Variants in DYNLL1 observed in about 807,000 individuals in gnomAD.
The protein encoded by DYNLL1 is dynein light chain 1, cytoplasmic.
A neutral mutation model predicts 10.1 loss-of-function variants in DYNLL1; 3 were observed. The ratio of observed to expected loss-of-function variants is 0.30; its 90% confidence interval spans 0.14 to 0.77. The LOEUF (loss-of-function observed/expected upper bound fraction) is 0.77, where lower values mean the gene tolerates loss of function less well. Among genes scored for constraint, DYNLL1 ranks in the 30% least tolerant of loss-of-function variants. The pLI, the probability that DYNLL1 is intolerant of heterozygous loss-of-function variation, is 0.66. For synonymous variants in DYNLL1, 46 were observed against 41.2 expected (o/e 1.12, Z -0.45); for missense variants, 47 against 111.7 (o/e 0.42, Z 2.61).
In DYNLL1 at chr12:120,477,227, C is replaced by T. The variant is rs78544636; in HGVS notation, c.-7+7123C>T. Among the ~76,000 whole-genome samples the T allele has an allele frequency of 9.1e-3, 1,385 of 152,260 alleles. 19 individuals are homozygous for T. Among genetic ancestry groups the T allele is most frequent in the African/African-American group, 0.032 (1,332 of 41,542 alleles). On this transcript the variant is annotated intron_variant, in intron 1 of 2. Transcript: ENST00000392509. ...TACAGGTGTGAGTTACCACGCCCAGCCAAGAGCAGGTTTTTTTTATCTAGT... is the reference window on the plus strand; with the variant it reads ...TACAGGTGTGAGTTACCACGCCCAGTCAAGAGCAGGTTTTTTTTATCTAGT...
At chr12:120,482,795 G>T (rs995508090) in intron 1 of DYNLL1, among the ~76,000 whole-genome samples, 2 of 152,118 alleles carry the variant, frequency 1.3e-5, no homozygotes, top group Non-Finnish European at 2.9e-5. Flanking sequence ...AACACATAGA[G>T]CAGTGAGACA....
At chr12:120,483,067 C>T (rs963846788) in intron 1 of DYNLL1, among the ~76,000 whole-genome samples, 2 of 151,940 alleles carry the variant, frequency 1.3e-5, no homozygotes, top group African/African-American at 2.4e-5. Context: ...AGGCCAGGCA[C>T]GGTGGCTTAC....
At chr12:120,482,354 G>A (rs572609520) in intron 1 of DYNLL1, among the ~76,000 whole-genome samples, 52 of 150,692 alleles carry the variant, frequency 3.5e-4, no homozygotes, top group African/African-American at 1.3e-3. Flanking sequence ...ATGGAGTCGC[G>A]CTCTATCGCC....
At chr12:120,471,418 A>G (rs2137055116) in intron 1 of DYNLL1, among the ~76,000 whole-genome samples, 1 of 152,066 alleles carries the variant, frequency 6.6e-6, no homozygotes, top group East Asian at 1.9e-4. Context: ...AGGGACTAAA[A>G]CCACACATTT....
Position 120,498,135 on chromosome 12 carries a change from T to C in DYNLL1, c.195T>C (p.Tyr65=), listed in dbSNP as rs142759655. 402 of 1,613,964 alleles carry C rather than the reference T, an allele frequency of 2.5e-4. No individual in the cohort carries two copies. In the African/African-American group the frequency reaches 4.3e-3, roughly 17 times the overall value. The change falls in exon 3 of 3, where the codon TAT becomes TAC. Residue 65 remains tyrosine, a synonymous_variant. Coordinates refer to ENST00000242577, the MANE Select transcript of DYNLL1 (RefSeq NM_003746.3). The part of the protein sequence containing the change: ...HCIVGRNFGS[Y]VTHETKHFIY... Reference sequence around the variant, plus strand: ...TCGTGGGGAGGAACTTCGGTAGTTATGTGACACATGAAACCAAACACTTCA... The same window carrying C: ...TCGTGGGGAGGAACTTCGGTAGTTACGTGACACATGAAACCAAACACTTCA...
rs562586685 is a variant in DYNLL1 at position 120,470,935 on chromosome 12, C to T, written c.-7+831C>T. Among the ~76,000 whole-genome samples, 139 of 152,032 alleles carry T rather than the reference C, an allele frequency of 9.1e-4. 1 individual carries two copies. The highest frequency in any genetic ancestry group is 3.3e-3 in the African/African-American group (135 of 41,492). Reference sequence around the variant, plus strand: ...TGGCGTGTTCCTATAATCCCAGTTACGCGGGAGGCTGAGGCAGGAGAATTG... The same window carrying T: ...TGGCGTGTTCCTATAATCCCAGTTATGCGGGAGGCTGAGGCAGGAGAATTG... On this transcript the variant is annotated intron_variant, in intron 1 of 2. Transcript: ENST00000392509.
chr12:120,480,413 AACACCATCTCC>A (rs1366072394), intron 1 of DYNLL1, among the ~76,000 whole-genome samples: 1 of 152,198 alleles, frequency 6.6e-6, no homozygotes, highest in Non-Finnish European at 1.5e-5. Flanking sequence ...CCCTAGAGAC[AACACCATCTCC>A]ACACCCTCAC....
intron 1 of DYNLL1, among the ~76,000 whole-genome samples, chr12:120,482,267 G>C (rs1182293870): frequency 6.6e-6 from 1 of 152,096 alleles, no homozygotes; most frequent in East Asian, 1.9e-4. Context: ...CCTGTGAGTA[G>C]CCAATGCACT....
intron 1 of DYNLL1, among the ~76,000 whole-genome samples, chr12:120,479,463 A>AT (rs1274025372): frequency 0.014 from 1,805 of 131,430 alleles, 30 homozygotes; most frequent in African/African-American, 0.05. Flanking sequence ...AAAAAAAAAA[A>AT]AAAAAAATAA....
chr12:120,497,727 C>T (rs77288448), intron 2 of DYNLL1: 21,604 of 199,388 alleles, frequency 0.11, 1,386 homozygotes, highest in Non-Finnish European at 0.14. Flanking sequence ...GTTTAGTTCT[C>T]TACACAGAAC....
chr12:120,477,488 G>A (rs1878780559), intron 1 of DYNLL1, among the ~76,000 whole-genome samples: 2 of 152,248 alleles, frequency 1.3e-5, no homozygotes, highest in Middle Eastern at 3.4e-3. Flanking sequence ...ATTACAGTCA[G>A]GCGTGGTGGC....
intron 1 of DYNLL1, among the ~76,000 whole-genome samples, chr12:120,486,288 T>C (rs191958629): frequency 6.6e-6 from 1 of 152,274 alleles, no homozygotes; most frequent in East Asian, 1.9e-4. Context: ...CTTTGGAGTT[T>C]CTTGGGGGAA....
intron 1 of DYNLL1, among the ~76,000 whole-genome samples, chr12:120,471,044 AAAAT>A (rs1278824363): frequency 2.0e-5 from 3 of 149,682 alleles, no homozygotes; most frequent in Non-Finnish European, 4.4e-5. Context: ...GACTGTCTCA[AAAAT>A]AAATAAAGAT....
intron 2 of DYNLL1, chr12:120,496,895 G>T (rs371551471): frequency 2.9e-4 from 90 of 314,638 alleles, no homozygotes; most frequent in South Asian, 2.0e-3. Context: ...CTGCGTGGGT[G>T]TTTCCAGCCG....
At chr12:120,471,327 T>C (rs973057254) in intron 1 of DYNLL1, among the ~76,000 whole-genome samples, 49 of 151,178 alleles carry the variant, frequency 3.2e-4, no homozygotes, top group African/African-American at 1.1e-3. Context: ...GAGCCGAGAT[T>C]GTGCCACTGC....
upstream of DYNLL1, chr12:120,492,155 A>C (rs907917717): frequency 4.6e-5 from 7 of 152,216 alleles, no homozygotes; most frequent in African/African-American, 1.7e-4. The surrounding 1 kb of genome is among the most constrained non-coding windows in gnomAD (Gnocchi z 4.1). Flanking sequence ...TAGAATTGTT[A>C]TGAGAAGCCA....
At chr12:120,494,271 A>G (rs1879210753), upstream of DYNLL1, among the ~76,000 whole-genome samples, 1 of 151,736 alleles carries the variant, frequency 6.6e-6, no homozygotes, top group Non-Finnish European at 1.5e-5. Flanking sequence ...AAAAGGTTCT[A>G]ATTATTGCCA....
At chr12:120,488,703 G>C (rs949229204) in intron 1 of DYNLL1, 2 of 152,162 alleles carry the variant, frequency 1.3e-5, no homozygotes. Flanking sequence ...CCTGAGGTCG[G>C]GAGTTCAAGG....
intron 1 of DYNLL1, among the ~76,000 whole-genome samples, chr12:120,472,345 A>G (rs1207940903): frequency 2.0e-5 from 3 of 152,198 alleles, no homozygotes; most frequent in African/African-American, 7.2e-5. Context: ...CTAAAATAAA[A>G]CCATTATAAC....
Sources: allele counts gnomAD v4.1 joint callset (sites outside exome capture counted in the v4.1 genomes callset), GRCh38; gene constraint gnomAD v4.1.1; non-coding constraint Gnocchi (gnomAD v3.1); transcripts MANE v1.5; gene names NCBI Gene and HGNC (gene_info 2026-07-23, HGNC 2026-07-21).